DIS3L2: variants seen among roughly 807,000 people sequenced by gnomAD.
DIS3L2 encodes DIS3-like exonuclease 2.
A neutral mutation model predicts 97.5 loss-of-function variants in DIS3L2; 34 were observed. That is an observed-to-expected ratio of 0.35 (90% CI 0.27 to 0.46). DIS3L2 has a LOEUF of 0.46. Among genes scored for constraint, DIS3L2 ranks in the 20% least tolerant of loss-of-function variants. The pLI is 1.00. For synonymous variants in DIS3L2, 435 were observed against 445.2 expected (o/e 0.98, Z 0.29); for missense variants, 1,038 against 1,146.0 (o/e 0.91, Z 1.36).
chr2:232,118,366 G>C (rs1291863629), intron 6 of DIS3L2, among the ~76,000 whole-genome samples: 1 of 152,172 alleles, frequency 6.6e-6, no homozygotes, highest in Non-Finnish European at 1.5e-5. Flanking sequence ...GTCACAGATG[G>C]TTCCTCTATC....
At chr2:232,280,953 G>A (rs916380758) in intron 13 of DIS3L2, among the ~76,000 whole-genome samples, 1 of 152,192 alleles carries the variant, frequency 6.6e-6, no homozygotes, top group African/African-American at 2.4e-5. Context: ...CTCCAAGAAT[G>A]TCCCAGGCAG....
chr2:231,974,967 A>G (rs1258519843), intron 1 of DIS3L2, among the ~76,000 whole-genome samples: 1 of 152,206 alleles, frequency 6.6e-6, no homozygotes, highest in Non-Finnish European at 1.5e-5. Flanking sequence ...GAAAGTCTTC[A>G]ATACAATACA....
chr2:232,265,706 G>A (rs1055015325), intron 13 of DIS3L2, among the ~76,000 whole-genome samples: 1 of 152,198 alleles, frequency 6.6e-6, no homozygotes, highest in Non-Finnish European at 1.5e-5. Context: ...CCTGGATAAG[G>A]ATAAGTCTTT....
At chr2:232,282,032 C>G (rs1044494647) in intron 13 of DIS3L2, among the ~76,000 whole-genome samples, 2 of 151,706 alleles carry the variant, frequency 1.3e-5, no homozygotes, top group East Asian at 1.9e-4. Context: ...GACAGTGAGC[C>G]CAGAGGCTAC....
intron 9 of DIS3L2, among the ~76,000 whole-genome samples, chr2:232,174,649 G>C (rs1691097936): frequency 6.7e-6 from 1 of 150,020 alleles, no homozygotes; most frequent in East Asian, 2.0e-4. Context: ...GGAATTTCCT[G>C]TATTTAGAAG....
At chr2:231,964,354 C>T (rs1311926271) in intron 1 of DIS3L2, among the ~76,000 whole-genome samples, 5 of 152,194 alleles carry the variant, frequency 3.3e-5, no homozygotes, top group Non-Finnish European at 7.3e-5. Flanking sequence ...TACAAGTTTT[C>T]TGCAGAAGGA....
At chr2:232,138,876 C>CTTCTAATTATTCTAATTA (rs1698432788) in intron 8 of DIS3L2, among the ~76,000 whole-genome samples, 1 of 152,148 alleles carries the variant, frequency 6.6e-6, no homozygotes, top group African/African-American at 2.4e-5. Flanking sequence ...TATGTAATTG[C>CTTCTAATTATTCTAATTA]TTCTAATTAT....
chr2:232,253,152 C>A (rs1693463481), intron 12 of DIS3L2, among the ~76,000 whole-genome samples: 1 of 152,304 alleles, frequency 6.6e-6, no homozygotes, highest in Admixed American at 6.5e-5. Flanking sequence ...AAAAGACAAG[C>A]AATCAAGGGT....
At chr2:232,062,058 A>G (rs1695726331) in intron 5 of DIS3L2, among the ~76,000 whole-genome samples, 1 of 136,138 alleles carries the variant, frequency 7.3e-6, no homozygotes, top group South Asian at 2.7e-4. Flanking sequence ...ATCATAGGAA[A>G]TTTGCTTCCA....
At chr2:232,068,512 G>T (rs1695916508) in intron 5 of DIS3L2, among the ~76,000 whole-genome samples, 1 of 151,704 alleles carries the variant, frequency 6.6e-6, no homozygotes, top group Non-Finnish European at 1.5e-5. Flanking sequence ...TACCTGGGAG[G>T]TTGGGGGTAC....
At chr2:232,340,097 C>T (rs571521878), downstream of DIS3L2, among the ~76,000 whole-genome samples, 61 of 152,286 alleles carry the variant, frequency 4.0e-4, 1 homozygote, top group African/African-American at 1.4e-3. Flanking sequence ...TGCAGAGTAG[C>T]GCGCTCCTGC....
At chr2:232,336,122 A>G in intron 20 of DIS3L2, 2 of 1,537,930 alleles carry the variant, frequency 1.3e-6, no homozygotes, top group Non-Finnish European at 1.8e-6. Context: ...CCGCTAATGC[A>G]GGGGTGCTGG....
At chr2:231,972,451 C>T (rs546235206) in intron 1 of DIS3L2, among the ~76,000 whole-genome samples, 1 of 152,202 alleles carries the variant, frequency 6.6e-6, no homozygotes, top group Non-Finnish European at 1.5e-5. Context: ...AGGAATTTTT[C>T]AGCTTCCCTA....
rs1258574309 is a variant in DIS3L2, at chr2:232,060,293, T to C, written c.367-27194T>C. 2.0e-5 allele frequency among the ~76,000 whole-genome samples: 3 copies of C among 152,162 alleles called. No homozygotes were observed. In the East Asian group the frequency reaches 5.8e-4, roughly 29 times the overall value. ...GTCGCCTGTGCTTGTAGGGTATCGC[T>C]CAAGAAGTCTTTGCCCACTCCAATG... On this transcript the variant is annotated intron_variant, in intron 5 of 20. Coordinates refer to ENST00000325385, the MANE Select transcript of DIS3L2 (RefSeq NM_152383.5).
At chr2:232,098,478 C>T (rs1211279433) in intron 6 of DIS3L2, among the ~76,000 whole-genome samples, 2 of 151,808 alleles carry the variant, frequency 1.3e-5, no homozygotes, top group Admixed American at 6.6e-5. Context: ...CTCAGCTTCC[C>T]GAGTAGCTGG....
rs565812410 is a variant in DIS3L2, at chr2:232,066,951, T to G, written c.367-20536T>G. The stretch of plus-strand genomic sequence containing the variant: ...TTCATAATATTCTTTTACTGTCCTT[T>G]TAATGTCTGTAAGATTTTTAATGAT... On this transcript the variant is annotated intron_variant, in intron 5 of 20. Coordinates refer to ENST00000325385, the MANE Select transcript of DIS3L2 (RefSeq NM_152383.5). Among the ~76,000 whole-genome samples the G allele has an allele frequency of 1.7e-3, 260 of 152,260 alleles. 4 individuals are homozygous for G. Among genetic ancestry groups the G allele is most frequent in the South Asian group, 0.016 (76 of 4,830 alleles).
At chr2:232,234,449 G>C (rs567451039) in intron 10 of DIS3L2, among the ~76,000 whole-genome samples, 1 of 152,044 alleles carries the variant, frequency 6.6e-6, no homozygotes, top group Non-Finnish European at 1.5e-5. Flanking sequence ...TCCCGGGTTC[G>C]AGTGATTCTC....
chr2:232,246,016 C>A (rs1242741583), intron 11 of DIS3L2, among the ~76,000 whole-genome samples: 1 of 152,216 alleles, frequency 6.6e-6, no homozygotes, highest in Non-Finnish European at 1.5e-5. Flanking sequence ...GAAGTGCCTA[C>A]CATGCATCAG....
intron 1 of DIS3L2, among the ~76,000 whole-genome samples, chr2:232,002,720 CACATCCATTTCTTTT>C (rs1207862240): frequency 1.3e-5 from 2 of 152,008 alleles, no homozygotes; most frequent in Non-Finnish European, 2.9e-5. Flanking sequence ...AGTGTTATTC[CACATCCATTTCTTTT>C]ACCTAGTTAT....
Sources: gnomAD v4.1 joint callset for allele counts (sites outside exome capture counted in the v4.1 genomes callset) on GRCh38, gnomAD v4.1.1 for gene constraint, MANE v1.5 for transcripts, NCBI Gene and HGNC (gene_info 2026-07-23, HGNC 2026-07-21) for gene names.